SORL1: variants seen among roughly 807,000 people sequenced by gnomAD.
SORL1 encodes the protein sortilin related receptor 1, also known as sortilin-related receptor.
Under a neutral mutation model 273.7 loss-of-function variants are expected in SORL1, and 127 were observed. The ratio of observed to expected loss-of-function variants is 0.46; its 90% CI spans 0.40 to 0.54. The LOEUF is 0.54. Ranked by LOEUF, SORL1 falls within the 20% of genes least tolerant of loss-of-function variation. SORL1 has a pLI of 0.00. For synonymous variants in SORL1, 1,031 were observed against 1,067.4 expected (o/e 0.97, Z 0.66); for missense variants, 2,494 against 2,846.1 (o/e 0.88, Z 2.81).
At chr11:121,503,771 G>A (rs571289675) in intron 6 of SORL1, among the ~76,000 whole-genome samples, 13 of 152,276 alleles carry the variant, frequency 8.5e-5, no homozygotes, top group Admixed American at 4.6e-4. Context: ...GCATCACACT[G>A]TCTTGATTAC....
intron 1 of SORL1, among the ~76,000 whole-genome samples, chr11:121,459,017 A>C (rs1445176852): frequency 6.6e-6 from 1 of 152,208 alleles, no homozygotes; most frequent in Admixed American, 6.5e-5. Flanking sequence ...TAGCACTGCT[A>C]CTAGCCAAGA....
At chr11:121,608,014 C>T in intron 37 of SORL1, 90 bp from the exon 38 acceptor site, 1 of 1,184,340 alleles carries the variant, frequency 8.4e-7, no homozygotes, top group South Asian at 1.3e-5. Flanking sequence ...CTGCCAAAAT[C>T]TCACCCCTTT....
intron 3 of SORL1, among the ~76,000 whole-genome samples, chr11:121,478,655 T>C (rs985497296): frequency 3.9e-5 from 6 of 152,120 alleles, no homozygotes; most frequent in Non-Finnish European, 8.8e-5. Flanking sequence ...TGTGTGTGCA[T>C]GTACGTGCTT....
intron 40 of SORL1, among the ~76,000 whole-genome samples, chr11:121,613,163 C>T (rs1215738327): frequency 6.6e-6 from 1 of 152,200 alleles, no homozygotes; most frequent in African/African-American, 2.4e-5. Flanking sequence ...TAGATATAGA[C>T]AGTTACCTGT....
intron 11 of SORL1, among the ~76,000 whole-genome samples, chr11:121,524,971 A>G (rs765834059): frequency 2.6e-5 from 4 of 152,034 alleles, no homozygotes; most frequent in Non-Finnish European, 5.9e-5. Context: ...TTCTGTAACA[A>G]ATTTATTGAA....
chr11:121,534,591 T>G (rs185750261), intron 12 of SORL1, among the ~76,000 whole-genome samples: 52 of 152,386 alleles, frequency 3.4e-4, no homozygotes, highest in Admixed American at 2.2e-3. Context: ...GACAGGTGCA[T>G]GTGTCCCACA....
At chr11:121,615,795 A>C (rs2134939759) in intron 41 of SORL1, among the ~76,000 whole-genome samples, 1 of 152,318 alleles carries the variant, frequency 6.6e-6, no homozygotes, top group African/African-American at 2.4e-5. Flanking sequence ...AGTAAGATTT[A>C]CTGAGCAGCC....
rs1175605616 is a variant in SORL1, at chr11:121,563,926, A to G, written c.3050-3014A>G. On this transcript the variant is annotated intron_variant, in intron 21 of 47. Coordinates refer to ENST00000260197, the MANE Select transcript of SORL1 (RefSeq NM_003105.6). This position sits in a 1 kb window ranked among gnomAD's most constrained non-coding sequence, Gnocchi z 4.2. ...ATATTTATTATTTGAGGTAGATTTG[A>G]TTTTGATAATTGCCAAGTGTATAGA... Among the ~76,000 whole-genome samples, 13 of 152,144 alleles carry G rather than the reference A, an allele frequency of 8.5e-5. No homozygotes were observed. The highest frequency in any genetic ancestry group is 1.5e-5 in the Non-Finnish European group (1 of 68,026).
At chr11:121,480,054 GC>G (rs1448505806) in intron 3 of SORL1, among the ~76,000 whole-genome samples, 1 of 152,164 alleles carries the variant, frequency 6.6e-6, no homozygotes. Context: ...GAGGTGAGGA[GC>G]CCTGACCAGG....
intron 31 of SORL1, among the ~76,000 whole-genome samples, chr11:121,594,798 A>C (rs1288683373): frequency 6.6e-6 from 1 of 152,160 alleles, no homozygotes; most frequent in East Asian, 1.9e-4. Flanking sequence ...GCTGGTAAGT[A>C]ATTCTGAGCA....
rs192257240 is a variant in SORL1 at position 121,611,327 on chromosome 11, A to G, written c.5322+169A>G. On this transcript the variant is annotated intron_variant, in intron 39 of 47. Transcript: ENST00000260197. ...CAGGACTAGGGTGGTTCCTTCCCCCATGAAGAACAACTTGAGTCTTCACAT... is the reference window on the plus strand; with the variant it reads ...CAGGACTAGGGTGGTTCCTTCCCCCGTGAAGAACAACTTGAGTCTTCACAT... The G allele has an allele frequency of 6.3e-5, 33 of 520,888 alleles. 1 individual carries two copies. The East Asian group carries it at 9.2e-4, about 14-fold the overall frequency. The allele number at this position is 520,888 out of a possible 1,614,324, so 32.3% of individuals were successfully genotyped here.
chr11:121,590,121 A>T lies in SORL1; in HGVS notation c.4160A>T (p.Lys1387Ile). The T allele has an allele frequency of 6.2e-7, 1 of 1,614,202 alleles. No individual in the cohort carries two copies. The change falls in exon 30 of 48, where the codon AAA becomes ATA. Residue 1387 changes from lysine to isoleucine, a missense_variant. Physicochemically the swap from Lys to Ile is moderately radical, Grantham distance 102. Coordinates refer to ENST00000260197, the MANE Select transcript of SORL1 (RefSeq NM_003105.6). ...ENGHCIPNRW[K>I]CDRENDCGDW... ...GGCCACTGCATCCCCAACAGATGGA[A>T]ATGTGACAGGGAGAACGACTGTGGG...
In SORL1 at chr11:121,611,735, A is replaced by G. The variant is rs1285431467; in HGVS notation, c.5322+577A>G. On this transcript the variant is annotated intron_variant, in intron 39 of 47. Transcript: ENST00000260197. ...ATCTGTCCCTCCTCACAGCCTCTCCATTGATGAATTTGTGTTGGGACAAGT... is the reference window on the plus strand; with the variant it reads ...ATCTGTCCCTCCTCACAGCCTCTCCGTTGATGAATTTGTGTTGGGACAAGT... The G allele has an allele frequency of 5.2e-5, 8 of 152,386 alleles. 1 individual carries two copies. The East Asian group carries it at 1.5e-3, about 29-fold the overall frequency. 9.4% of individuals were successfully genotyped at this position (152,386 alleles called of 1,614,324 possible).
chr11:121,618,104 A>G (rs1209398137), intron 41 of SORL1, among the ~76,000 whole-genome samples: 1 of 152,136 alleles, frequency 6.6e-6, no homozygotes, highest in Non-Finnish European at 1.5e-5. Context: ...TGTTGTAATG[A>G]GCCCTCCTAA....
intron 6 of SORL1, among the ~76,000 whole-genome samples, chr11:121,504,529 G>C (rs558955398): frequency 2.4e-4 from 37 of 152,070 alleles, no homozygotes; most frequent in Middle Eastern, 3.4e-3. Context: ...TTGTATTATT[G>C]ATCTTATATT....
intron 26 of SORL1, among the ~76,000 whole-genome samples, chr11:121,585,537 A>T (rs930030968): frequency 2.7e-5 from 4 of 150,188 alleles, no homozygotes; most frequent in Non-Finnish European, 3.0e-5. Context: ...ACACACACAC[A>T]CTTATCAAAA....
intron 26 of SORL1, 115 bp from the exon 27 acceptor site, chr11:121,586,107 C>T (rs768496142): frequency 3.0e-5 from 23 of 763,060 alleles, no homozygotes; most frequent in Non-Finnish European, 5.4e-5. Flanking sequence ...TTGCTAGTTA[C>T]AGCCAAATTG....
At position 121,604,327 on chromosome 11, in the gene SORL1, G is replaced by T. The variant is rs773424707; in HGVS notation, c.4651+3G>T. Reference sequence around the variant, plus strand: ...GAGCGATGAAAAGGCCTGCAGTGGTGAGTGCCGGTCCACGGGCTGGGCTGG... The same window carrying T: ...GAGCGATGAAAAGGCCTGCAGTGGTTAGTGCCGGTCCACGGGCTGGGCTGG... On this transcript the variant is annotated splice_donor_region_variant and intron_variant, in intron 33 of 47. Transcript: ENST00000260197. The T allele has an allele frequency of 1.2e-6, 2 of 1,612,004 alleles. No homozygotes were observed. The highest frequency in any genetic ancestry group is 1.7e-5 in the Admixed American group (1 of 59,970).
intron 31 of SORL1, among the ~76,000 whole-genome samples, 187 bp downstream of exon 31, chr11:121,591,343 A>G (rs1182689993): frequency 6.6e-6 from 1 of 152,158 alleles, no homozygotes; most frequent in Non-Finnish European, 1.5e-5. Flanking sequence ...TTTTTCCTGG[A>G]TCATAGATGC....
Sources: gnomAD v4.1 joint callset for allele counts (sites outside exome capture counted in the v4.1 genomes callset) on GRCh38, gnomAD v4.1.1 for gene constraint, Gnocchi (gnomAD v3.1) non-coding constraint, MANE v1.5 for transcripts, NCBI Gene and HGNC (gene_info 2026-07-23, HGNC 2026-07-21) for gene names.